The following PSD3 variants were observed in gnomAD, a reference collection of about 807,000 sequenced individuals.
PSD3 encodes pleckstrin and Sec7 domain containing 3, also known as PH and SEC7 domain-containing protein 3.
A neutral mutation model predicts 105.5 loss-of-function variants in PSD3; 49 were observed. The ratio of observed to expected loss-of-function variants is 0.46; its 90% CI spans 0.37 to 0.59. The LOEUF is 0.59. PSD3 is among the 20% of genes least tolerant of loss of function. The pLI is 0.00. For synonymous variants in PSD3, 557 were observed against 457.8 expected (o/e 1.22, Z -2.77); for missense variants, 1,561 against 1,263.8 (o/e 1.24, Z -3.57).
rs550027956 is a variant in PSD3, at chr8:18,957,589, C to G, written c.22-21447G>C. Among the ~76,000 whole-genome samples, 35 of 152,248 alleles carry G rather than the reference C, an allele frequency of 2.3e-4. No homozygotes were observed. The South Asian group carries it at 7.3e-3, about 32-fold the overall frequency. The stretch of plus-strand genomic sequence containing the variant: ...GCCAGCATTTGCTACAATTCTTTCA[C>G]CTATTCCATTACAGCCTAGACAGGG... On this transcript the variant is annotated intron_variant, in intron 1 of 15. Coordinates refer to ENST00000327040, the MANE Select transcript of PSD3 (RefSeq NM_015310.4).
At chr8:18,848,609 C>G (rs953341159) in intron 4 of PSD3, among the ~76,000 whole-genome samples, 2 of 152,218 alleles carry the variant, frequency 1.3e-5, no homozygotes, top group Non-Finnish European at 2.9e-5. Flanking sequence ...TGTATGTTCT[C>G]TCTCATGTAG....
chr8:18,824,294 T>G (rs1812998435), intron 4 of PSD3, among the ~76,000 whole-genome samples: 1 of 152,220 alleles, frequency 6.6e-6, no homozygotes, highest in Admixed American at 6.5e-5. Flanking sequence ...CTAGAGTACC[T>G]TCCACAGTAA....
intron 4 of PSD3, among the ~76,000 whole-genome samples, chr8:18,846,852 G>C (rs759648128): frequency 7.2e-5 from 11 of 151,994 alleles, no homozygotes; most frequent in Non-Finnish European, 1.3e-4. Context: ...TAAATTGTTT[G>C]GCTTGGCCCA....
At chr8:18,703,247 T>C (rs1328472299) in intron 9 of PSD3, among the ~76,000 whole-genome samples, 1 of 152,172 alleles carries the variant, frequency 6.6e-6, no homozygotes. Flanking sequence ...TTCCAGTGCA[T>C]TCTGCAGCTG....
intron 10 of PSD3, among the ~76,000 whole-genome samples, chr8:18,634,017 G>C (rs528365156): frequency 6.6e-5 from 10 of 152,174 alleles, no homozygotes; most frequent in Admixed American, 3.3e-4. Flanking sequence ...CTGATGATTA[G>C]TGACGCCGAG....
intron 9 of PSD3, among the ~76,000 whole-genome samples, chr8:18,763,382 C>T (rs1435419126): frequency 6.6e-6 from 1 of 151,950 alleles, no homozygotes; most frequent in Non-Finnish European, 1.5e-5. Flanking sequence ...GAGAGAATGA[C>T]CATGATATTA....
At chr8:18,667,830 A>AG (rs1371668145) in intron 9 of PSD3, among the ~76,000 whole-genome samples, 1 of 152,184 alleles carries the variant, frequency 6.6e-6, no homozygotes, top group Admixed American at 6.5e-5. Context: ...CCTGCCCCGC[A>AG]GGGAGGCAGC....
chr8:18,807,848 G>C (rs1811336126), intron 4 of PSD3, among the ~76,000 whole-genome samples: 1 of 152,162 alleles, frequency 6.6e-6, no homozygotes, highest in African/African-American at 2.4e-5. Context: ...GCTGAAACCT[G>C]TAATCCCTGC....
chr8:18,600,123 T>G (rs1310806623), intron 12 of PSD3, among the ~76,000 whole-genome samples: 1 of 152,176 alleles, frequency 6.6e-6, no homozygotes, highest in Admixed American at 6.5e-5. Context: ...AAGGGATGAT[T>G]CACAGCTGGT....
chr8:19,071,292 T>C (rs1160607386), intron 1 of PSD3, among the ~76,000 whole-genome samples: 2 of 151,936 alleles, frequency 1.3e-5, no homozygotes, highest in African/African-American at 4.8e-5. Flanking sequence ...GGTGTTGAAC[T>C]CCTGACCTCG....
chr8:18,588,222 A>T (rs927320094), intron 12 of PSD3, among the ~76,000 whole-genome samples: 12 of 152,128 alleles, frequency 7.9e-5, no homozygotes, highest in Non-Finnish European at 1.6e-4. Flanking sequence ...CAGTCTACCT[A>T]CCTTTTTAGT....
intron 11 of PSD3, among the ~76,000 whole-genome samples, chr8:18,602,914 C>G (rs1266619652): frequency 6.6e-6 from 1 of 152,158 alleles, no homozygotes; most frequent in Non-Finnish European, 1.5e-5. Context: ...AAAGTGATTT[C>G]ACAGCACGTG....
intron 2 of PSD3, among the ~76,000 whole-genome samples, chr8:18,925,240 C>G (rs904344753): frequency 2.6e-5 from 4 of 152,038 alleles, no homozygotes; most frequent in African/African-American, 9.7e-5. Context: ...TTTAAAAATA[C>G]AAAAGTCAGC....
chr8:18,790,874 G>C lies in PSD3; in HGVS notation c.2082+8421C>G, dbSNP rs552273573. ...TCTCAAGGTGATAAGCAACCTTGGC[G>C]AAGTCTCAGGATACAAAGATCAATG... is the stretch of plus-strand genomic sequence containing the variant. On this transcript the variant is annotated intron_variant, in intron 8 of 15. Coordinates refer to ENST00000327040, the MANE Select transcript of PSD3 (RefSeq NM_015310.4). Among the ~76,000 whole-genome samples, 6 of 151,902 alleles carry C rather than the reference G, an allele frequency of 3.9e-5. No individual in the cohort carries two copies. In the South Asian group the frequency reaches 1.2e-3, roughly 32 times the overall value.
chr8:18,636,847 G>A (rs1280659279), intron 10 of PSD3, among the ~76,000 whole-genome samples: 1 of 152,214 alleles, frequency 6.6e-6, no homozygotes, highest in Non-Finnish European at 1.5e-5. Flanking sequence ...ACACAGTGAT[G>A]AATTCGCCTG....
chr8:18,593,272 T>G (rs1803746590), intron 12 of PSD3, among the ~76,000 whole-genome samples: 1 of 152,104 alleles, frequency 6.6e-6, no homozygotes. Context: ...CAAACAAATT[T>G]ACAAGAAATA....
At chr8:18,902,462 G>C (rs746661517) in intron 2 of PSD3, among the ~76,000 whole-genome samples, 1 of 151,908 alleles carries the variant, frequency 6.6e-6, no homozygotes, top group Non-Finnish European at 1.5e-5. Flanking sequence ...TTATTACTTT[G>C]AATTCATATT....
In PSD3 at chr8:18,743,883, A is replaced by C. The variant is rs184305729; in HGVS notation, c.2172+21566T>G. ...GGTGGGAGGATCCCTTGAGCCCAGG[A>C]ATTTGTGGTTGCAGTGAGATATGGT... On this transcript the variant is annotated intron_variant, in intron 9 of 15. Transcript: ENST00000327040. Among the ~76,000 whole-genome samples the C allele has an allele frequency of 6.6e-5, 10 of 151,990 alleles. No individual in the cohort carries two copies. In the East Asian group the frequency reaches 1.9e-3, roughly 30 times the overall value.
chr8:18,890,130 T>A (rs1586339283), intron 2 of PSD3, among the ~76,000 whole-genome samples: 1 of 152,148 alleles, frequency 6.6e-6, no homozygotes, highest in East Asian at 1.9e-4. Context: ...TACCTTTTTT[T>A]AAAGCACGGG....
Sources: gnomAD v4.1 joint callset for allele counts (sites outside exome capture counted in the v4.1 genomes callset) on GRCh38, gnomAD v4.1.1 for gene constraint, MANE v1.5 for transcripts, NCBI Gene and HGNC (gene_info 2026-07-23, HGNC 2026-07-21) for gene names.